Variants in F5 observed in about 807,000 individuals in gnomAD.
The protein encoded by F5 is activated protein c cofactor.
In F5, 138 loss-of-function variants were observed where a neutral mutation model predicts 216.4. That is an observed-to-expected ratio of 0.64 (90% CI 0.56 to 0.73). F5 has a LOEUF of 0.73. Ranked by LOEUF, F5 falls within the 30% of genes least tolerant of loss-of-function variation. F5 has a pLI of 0.00. For missense variants in F5, 2,403 were observed against 2,674.0 expected, an observed-to-expected ratio of 0.90 and a Z score of 2.24; for synonymous variants, 916 against 930.7, an observed-to-expected ratio of 0.98 and a Z score of 0.29.
chr1:169,524,792 C>T (rs1659397024), intron 19 of F5, 45 bp downstream of exon 19: 1 of 1,489,608 alleles, frequency 6.7e-7, no homozygotes, highest in Admixed American at 1.7e-5. Flanking sequence ...GCATGCTGCA[C>T]AACTGTAGGG....
chr1:169,524,816 G>C (rs1162014142), intron 19 of F5, 21 bp downstream of exon 19: 1 of 1,605,962 alleles, frequency 6.2e-7, no homozygotes. Flanking sequence ...ACCATTCACA[G>C]ACCATGGTGC....
chr1:169,578,189 T>C (rs985674061), intron 2 of F5, among the ~76,000 whole-genome samples: 1 of 152,226 alleles, frequency 6.6e-6, no homozygotes, highest in Non-Finnish European at 1.5e-5. Context: ...TAAGCAACTT[T>C]GGACATTCAG....
Position 169,536,626 on chromosome 1 carries a change from T to C in F5, c.4851A>G (p.Lys1617=). ...TGTCGAGGTACTTTCGAAAAACTAC[T>C]TTCTTATATGTGGTATCTTCTGGAA... ...DDIPEDTTYK[K]VVFRKYLDST... Residue 1617 remains lysine (K), a synonymous_variant, in exon 14 of 25, where the codon AAA becomes AAG. Coordinates refer to ENST00000367797, the MANE Select transcript of F5 (RefSeq NM_000130.5). The C allele has an allele frequency of 6.2e-7, 1 of 1,613,274 alleles. No homozygotes were observed. Among genetic ancestry groups the C allele is most frequent in the Non-Finnish European group, 8.5e-7 (1 of 1,179,330 alleles).
chr1:169,531,955 A>G (rs1659603856), intron 14 of F5, among the ~76,000 whole-genome samples: 2 of 152,226 alleles, frequency 1.3e-5, no homozygotes, highest in African/African-American at 4.8e-5. Flanking sequence ...CTTCAACAAA[A>G]TATTGGCAAA....
At position 169,572,071 on chromosome 1, in the gene F5, C is replaced by A. The variant is rs1345632820; in HGVS notation, c.373+150G>T. ...CCAAAACCTTTTCCTTTTCTTCTCTCAAAACTTACAACAGCAACAATTTTT... is the reference window on the plus strand; with the variant it reads ...CCAAAACCTTTTCCTTTTCTTCTCTAAAAACTTACAACAGCAACAATTTTT... On this transcript the variant is annotated intron_variant, in intron 3 of 24. Coordinates refer to ENST00000367797, the MANE Select transcript of F5 (RefSeq NM_000130.5). 3.4e-6 allele frequency: 3 copies of A among 883,644 alleles called. No individual in the cohort carries two copies. In the Admixed American group the frequency reaches 8.2e-5, roughly 24 times the overall value. The allele number at this position is 883,644 out of a possible 1,614,324, so 54.7% of individuals were successfully genotyped here. A position where few individuals can be genotyped will look rare whatever the true frequency, so the allele number is the denominator to read the frequency against.
chr1:169,548,676 T>C (rs1228020872), intron 10 of F5, among the ~76,000 whole-genome samples: 1 of 152,096 alleles, frequency 6.6e-6, no homozygotes, highest in Non-Finnish European at 1.5e-5. Context: ...GAGACCAGCC[T>C]AGCCAACATG....
chr1:169,567,382 A>AT (rs1660628061), intron 3 of F5, among the ~76,000 whole-genome samples: 1 of 137,346 alleles, frequency 7.3e-6, no homozygotes, highest in Non-Finnish European at 1.6e-5. Context: ...TTAAAGTATA[A>AT]TAAAAAAAAA....
chr1:169,543,857 T>C (rs1313446547), intron 12 of F5, among the ~76,000 whole-genome samples: 2 of 152,190 alleles, frequency 1.3e-5, no homozygotes, highest in African/African-American at 4.8e-5. Flanking sequence ...TACACAGCAA[T>C]CGATTGGCAG....
At chr1:169,528,582 G>A (rs9332627) in intron 16 of F5, among the ~76,000 whole-genome samples, 37,361 of 151,974 alleles carry the variant, frequency 0.25, 4,804 homozygotes, top group Admixed American at 0.34. Flanking sequence ...GGAGTTTATC[G>A]TTGGTGTATC....
At position 169,536,535 on chromosome 1, in the gene F5, T is replaced by A. The variant is rs749425147; in HGVS notation, c.4942A>T (p.Ile1648Phe). Residue 1648 changes from isoleucine (I) to phenylalanine (F), a missense_variant, in exon 14 of 25, where the codon ATC becomes TTC. Ile to Phe is a conservative substitution (Grantham distance 21). Coordinates refer to ENST00000367797, the MANE Select transcript of F5 (RefSeq NM_000130.5). ...ATAACATCATCCACTTCAGCTCTGA[T>A]AATAGGACCAAGAATTCCGAGATGC... ...EEHLGILGPI[I>F]RAEVDDVIQV... 2 of 1,613,528 alleles carry A rather than the reference T, an allele frequency of 1.2e-6. No homozygotes were observed. The highest frequency in any genetic ancestry group is 1.7e-6 in the Non-Finnish European group (2 of 1,179,552).
intron 2 of F5, among the ~76,000 whole-genome samples, chr1:169,574,256 A>G (rs1660792401): frequency 1.5e-5 from 2 of 133,562 alleles, no homozygotes; most frequent in African/African-American, 5.0e-5. Flanking sequence ...TAGTCCTTGG[A>G]GTCTCTGCAT....
chr1:169,578,135 A>T (rs1287069784), intron 2 of F5, among the ~76,000 whole-genome samples: 3 of 152,220 alleles, frequency 2.0e-5, no homozygotes, highest in Non-Finnish European at 4.4e-5. Flanking sequence ...ATAGAGTTAC[A>T]AAGGTGAATA....
chr1:169,543,251 G>A (rs1659914069), intron 12 of F5, 137 bp from the exon 13 acceptor site: 3 of 736,642 alleles, frequency 4.1e-6, no homozygotes, highest in Non-Finnish European at 7.0e-6. Context: ...ACCACTGCTT[G>A]TCTGTGACCT....
intron 17 of F5, 32 bp downstream of exon 17, chr1:169,527,883 G>T: frequency 1.2e-6 from 2 of 1,610,048 alleles, no homozygotes. Context: ...GTATTTCTTA[G>T]CAGGGACCTC....
chr1:169,556,517 T>A, intron 6 of F5, 129 bp downstream of exon 6: 1 of 797,488 alleles, frequency 1.3e-6, no homozygotes. Flanking sequence ...CTAAGTTTGG[T>A]TGTTAGGAAC....
In F5 at chr1:169,543,028, C is replaced by T. The variant is rs1424994142; in HGVS notation, c.2062G>A (p.Asp688Asn). 6.2e-7 allele frequency: 1 copy of T among 1,613,900 alleles called. No individual in the cohort carries two copies. The highest frequency in any genetic ancestry group is 8.5e-7 in the Non-Finnish European group (1 of 1,179,928). ...AAAATCTCATATGAGTCTTCATCAT[C>T]ATCTGGGATACATTTAACATCCCTG... is the stretch of plus-strand genomic sequence containing the variant. Reference protein sequence around the residue: ...KFRDVKCIPDDDEDSYEIFEP... With the variant: ...KFRDVKCIPDNDEDSYEIFEP... Residue 688 changes from aspartate to asparagine, a missense_variant, in exon 13 of 25, where the codon GAT becomes AAT. This residue lies in a region of F5 where 1,425 missense variants were observed against 1,554.8 expected (regional missense o/e 0.92). Transcript: ENST00000367797.
chr1:169,572,336 A>G lies in F5; in HGVS notation c.258T>C (p.Leu86=), dbSNP rs1034814372. The G allele has an allele frequency of 1.2e-6, 2 of 1,613,132 alleles. No individual in the cohort carries two copies. The highest frequency in any genetic ancestry group is 2.7e-5 in the African/African-American group (2 of 74,886). The change falls in exon 3 of 25, where the codon CTT becomes CTC. Residue 86 remains leucine, a synonymous_variant. Transcript: ENST00000367797. ...CGACTTCAGCATATAAAGTAGGCCC[A>G]AGAAGTCCTGTGAAAACAAATATTT... The part of the protein sequence containing the change: ...EKPQSTISGL[L]GPTLYAEVGD...
chr1:169,567,677 G>T (rs1660637923), intron 3 of F5, among the ~76,000 whole-genome samples: 1 of 151,784 alleles, frequency 6.6e-6, no homozygotes, highest in Admixed American at 6.6e-5. Flanking sequence ...CCTCAGTTTA[G>T]TTCAGTAATG....
intron 8 of F5, 97 bp downstream of exon 8, chr1:169,552,460 A>G (rs1408324192): frequency 7.8e-6 from 8 of 1,022,018 alleles, no homozygotes; most frequent in Non-Finnish European, 1.2e-5. Flanking sequence ...TTAAAATTAT[A>G]TGAGCATCTT....
Sources: allele counts gnomAD v4.1 joint callset (sites outside exome capture counted in the v4.1 genomes callset), GRCh38; gene constraint gnomAD v4.1.1; regional missense constraint gnomAD v4.1.1; transcripts MANE v1.5; gene names NCBI Gene and HGNC (gene_info 2026-07-23, HGNC 2026-07-21).